ZBTB20: variants seen among roughly 807,000 people sequenced by gnomAD.
ZBTB20 encodes the protein zinc finger and BTB domain-containing protein 20.
Under a neutral mutation model 56.9 loss-of-function variants are expected in ZBTB20, and 9 were observed. The ratio of observed to expected loss-of-function variants is 0.16; its 90% CI spans 0.10 to 0.28. The LOEUF (loss-of-function observed/expected upper bound fraction) is 0.28, where lower values mean the gene tolerates loss of function less well. Among genes scored for constraint, ZBTB20 ranks in the 10% least tolerant of loss-of-function variants. ZBTB20 has a pLI of 1.00. For missense variants in ZBTB20, 655 were observed against 1,003.0 expected (o/e 0.65, Z 4.69); for synonymous variants, 417 against 420.7 (o/e 0.99, Z 0.11).
intron 3 of ZBTB20, among the ~76,000 whole-genome samples, chr3:114,969,167 T>TATC (rs1173389507): frequency 6.6e-6 from 1 of 152,314 alleles, no homozygotes; most frequent in East Asian, 1.9e-4. Flanking sequence ...GTTCAACAGT[T>TATC]ATCTATAACA....
At chr3:114,844,514 C>G (rs1246711944) in intron 4 of ZBTB20, among the ~76,000 whole-genome samples, 2 of 9,836 alleles carry the variant, frequency 2.0e-4, no homozygotes, top group Non-Finnish European at 8.6e-4. Flanking sequence ...GAGCAAGTCC[C>G]TGTCTCAAAA....
intron 11 of ZBTB20, among the ~76,000 whole-genome samples, chr3:114,340,784 T>G (rs1443830414): frequency 6.6e-6 from 1 of 152,198 alleles, no homozygotes; most frequent in African/African-American, 2.4e-5. Flanking sequence ...CTGAAACTCC[T>G]TAGGATAATA....
At chr3:114,442,516 T>G (rs1247747634) in intron 7 of ZBTB20, among the ~76,000 whole-genome samples, 1 of 152,146 alleles carries the variant, frequency 6.6e-6, no homozygotes, top group East Asian at 1.9e-4. Flanking sequence ...AAAACTTTCT[T>G]CTCTTGATGC....
At chr3:115,037,142 A>T (rs1203220563) in intron 2 of ZBTB20, among the ~76,000 whole-genome samples, 1 of 152,178 alleles carries the variant, frequency 6.6e-6, no homozygotes, top group South Asian at 2.1e-4. Context: ...ATTAACTATC[A>T]ATCGTTTTGC....
At chr3:115,036,049 G>A (rs2080903596) in intron 2 of ZBTB20, among the ~76,000 whole-genome samples, 2 of 152,036 alleles carry the variant, frequency 1.3e-5, no homozygotes, top group South Asian at 2.1e-4. Context: ...AAAGTACAAC[G>A]GTGGTTGCCA....
At chr3:114,839,227 C>G (rs1337371893) in intron 4 of ZBTB20, among the ~76,000 whole-genome samples, 1 of 151,894 alleles carries the variant, frequency 6.6e-6, no homozygotes, top group Non-Finnish European at 1.5e-5. Flanking sequence ...GTGCCAAAAC[C>G]CCATTTCGAC....
intron 2 of ZBTB20, among the ~76,000 whole-genome samples, chr3:114,987,246 T>C (rs1249245164): frequency 6.6e-6 from 1 of 152,116 alleles, no homozygotes; most frequent in Non-Finnish European, 1.5e-5. Flanking sequence ...GGTTGAAATA[T>C]CCATTTTAAA....
At chr3:114,481,194 CT>C (rs1282386684) in intron 7 of ZBTB20, among the ~76,000 whole-genome samples, 1 of 151,276 alleles carries the variant, frequency 6.6e-6, no homozygotes, top group Non-Finnish European at 1.5e-5. Flanking sequence ...GTTTGAGTGC[CT>C]TGAGATCCAA....
At chr3:114,666,775 G>GT (rs2061078587) in intron 6 of ZBTB20, among the ~76,000 whole-genome samples, 1 of 152,036 alleles carries the variant, frequency 6.6e-6, no homozygotes, top group African/African-American at 2.4e-5. Context: ...TTCACTTTCT[G>GT]TTTTAAAACT....
At chr3:115,139,828 TTAAGA>T (rs374260347) in intron 1 of ZBTB20, among the ~76,000 whole-genome samples, 11 of 152,134 alleles carry the variant, frequency 7.2e-5, no homozygotes, top group African/African-American at 2.6e-4. Flanking sequence ...CCTTCCTGAG[TTAAGA>T]TGAGTTGGCA....
chr3:115,085,686 A>AT (rs1185708708), intron 1 of ZBTB20, among the ~76,000 whole-genome samples: 4 of 151,960 alleles, frequency 2.6e-5, no homozygotes, highest in African/African-American at 9.7e-5. Flanking sequence ...AAGAGAATTC[A>AT]TTTTAAGCTT....
intron 3 of ZBTB20, among the ~76,000 whole-genome samples, chr3:114,960,305 G>A (rs1039393094): frequency 6.6e-6 from 1 of 152,198 alleles, no homozygotes; most frequent in African/African-American, 2.4e-5. Context: ...TGGAAATGAT[G>A]AGAGAATGCT....
chr3:114,671,001 A>G (rs1040423981), intron 6 of ZBTB20, among the ~76,000 whole-genome samples: 5 of 152,164 alleles, frequency 3.3e-5, no homozygotes, highest in Non-Finnish European at 7.4e-5. Flanking sequence ...ACCAGGGTAC[A>G]TGCAGAGATG....
intron 7 of ZBTB20, among the ~76,000 whole-genome samples, chr3:114,464,721 A>C (rs1485913239): frequency 6.6e-6 from 1 of 152,154 alleles, no homozygotes; most frequent in Non-Finnish European, 1.5e-5. Flanking sequence ...AATGTAGTGG[A>C]TAAAAAGGAC....
intron 7 of ZBTB20, among the ~76,000 whole-genome samples, chr3:114,419,692 TA>T (rs1340221721): frequency 1.3e-5 from 2 of 152,106 alleles, no homozygotes; most frequent in African/African-American, 4.8e-5. Context: ...GCATATAAAA[TA>T]ATTCTCCTAA....
At position 114,337,157 on chromosome 3, in the gene ZBTB20, G is replaced by A. The variant is rs998437513; in HGVS notation, c.*1848C>T. On this transcript the variant is annotated 3_prime_UTR_variant, in exon 12 of 12. Coordinates refer to ENST00000675478, the MANE Select transcript of ZBTB20 (RefSeq NM_001348800.3). ...CTTTCGAAGAAGCAAGGGTTAATTC[G>A]TCATCTAAAGAATGATCATCTTATT... 6 of 152,152 alleles carry A rather than the reference G, an allele frequency of 3.9e-5. No homozygotes were observed. Among genetic ancestry groups the A allele is most frequent in the African/African-American group, 9.7e-5 (4 of 41,428 alleles). The allele number at this position is 152,152 out of a possible 1,614,324, so 9.4% of individuals were successfully genotyped here.
At chr3:114,392,886 T>C (rs1188713961) in intron 7 of ZBTB20, among the ~76,000 whole-genome samples, 3 of 152,190 alleles carry the variant, frequency 2.0e-5, no homozygotes, top group Admixed American at 6.5e-5. Context: ...GTGGGGATAA[T>C]AGTGTTTACC....
At chr3:114,494,395 A>G (rs910248904) in intron 7 of ZBTB20, among the ~76,000 whole-genome samples, 14 of 151,920 alleles carry the variant, frequency 9.2e-5, no homozygotes, top group African/African-American at 2.9e-4. Flanking sequence ...TCTGGTTCCC[A>G]TTTTCATCTC....
At chr3:114,620,010 T>C (rs2107752929) in intron 6 of ZBTB20, among the ~76,000 whole-genome samples, 1 of 152,334 alleles carries the variant, frequency 6.6e-6, no homozygotes, top group South Asian at 2.1e-4. Context: ...TGTTGGTTAA[T>C]ATGATGCATT....
Sources: gnomAD v4.1 joint callset for allele counts (sites outside exome capture counted in the v4.1 genomes callset) on GRCh38, gnomAD v4.1.1 for gene constraint, MANE v1.5 for transcripts, NCBI Gene and HGNC (gene_info 2026-07-23, HGNC 2026-07-21) for gene names.